MTA3: variants seen among roughly 807,000 people sequenced by gnomAD.
The protein encoded by MTA3 is metastasis-associated protein MTA3.
Under a neutral mutation model 83.5 loss-of-function variants are expected in MTA3, and 34 were observed. The ratio of observed to expected loss-of-function variants is 0.41; its 90% CI spans 0.31 to 0.54. The LOEUF is 0.54. Among genes scored for constraint, MTA3 ranks in the 20% least tolerant of loss-of-function variants. MTA3 has a pLI of 0.33. For synonymous variants in MTA3, 303 were observed against 252.7 expected, an observed-to-expected ratio of 1.20 and a Z score of -1.89; for missense variants, 761 against 726.4, an observed-to-expected ratio of 1.05 and a Z score of -0.55.
intron 3 of MTA3, among the ~76,000 whole-genome samples, chr2:42,597,835 C>T (rs966203445): frequency 2.7e-5 from 4 of 150,692 alleles, no homozygotes; most frequent in Non-Finnish European, 4.4e-5. Flanking sequence ...TGTGTGTCAT[C>T]GTGTCTGGTT....
chr2:42,518,486 GT>G (rs1231430409), intron 2 of MTA3, among the ~76,000 whole-genome samples: 7 of 152,154 alleles, frequency 4.6e-5, no homozygotes, highest in Non-Finnish European at 8.8e-5. Flanking sequence ...GTAGTATTGC[GT>G]TGTAAGCCAA....
chr2:42,577,643 G>C (rs1468771683), intron 2 of MTA3, among the ~76,000 whole-genome samples: 1 of 152,006 alleles, frequency 6.6e-6, no homozygotes, highest in Non-Finnish European at 1.5e-5. Context: ...ACCACACCCA[G>C]CTAATTTTTG....
At chr2:42,747,438 G>T (rs908994329) in intron 16 of MTA3, among the ~76,000 whole-genome samples, 2 of 152,008 alleles carry the variant, frequency 1.3e-5, no homozygotes, top group African/African-American at 4.8e-5. Context: ...CCGGGGTGGG[G>T]GTGCAGAATA....
intron 2 of MTA3, among the ~76,000 whole-genome samples, chr2:42,510,349 G>A (rs753262581): frequency 2.2e-4 from 32 of 148,602 alleles, no homozygotes; most frequent in Admixed American, 1.2e-3. Context: ...AGAAATCCTC[G>A]TTTAGCTGGC....
In MTA3 at chr2:42,505,475, C is replaced by T. The variant is rs549730988; in HGVS notation, c.-141+10221C>T. 1.4e-4 allele frequency among the ~76,000 whole-genome samples: 22 copies of T among 152,218 alleles called. No homozygotes were observed. In the East Asian group the frequency reaches 3.1e-3, roughly 21 times the overall value. On this transcript the variant is annotated intron_variant, in intron 2 of 17. Transcript: ENST00000405592. ...GTAAGTGCCAGAACCAATACTGAAA[C>T]CCACAGACTATGCAGGCTGTCTTGC...
chr2:42,641,643 C>T (rs1291774776), intron 5 of MTA3, among the ~76,000 whole-genome samples: 8 of 151,700 alleles, frequency 5.3e-5, no homozygotes, highest in African/African-American at 9.7e-5. Context: ...GTCAGGAGTT[C>T]GAGACCAGCC....
intron 4 of MTA3, among the ~76,000 whole-genome samples, chr2:42,611,128 C>G (rs140231908): frequency 6.6e-6 from 1 of 151,702 alleles, no homozygotes. Context: ...ATTACAGGCA[C>G]ATGCCACCAT....
chr2:42,518,951 G>C (rs963744355), intron 2 of MTA3, among the ~76,000 whole-genome samples: 6 of 149,470 alleles, frequency 4.0e-5, no homozygotes, highest in African/African-American at 1.5e-4. Context: ...AAGTGACAGA[G>C]TGAGACCCTT....
intron 3 of MTA3, among the ~76,000 whole-genome samples, chr2:42,584,160 A>G (rs1158638414): frequency 6.6e-6 from 1 of 152,060 alleles, no homozygotes; most frequent in Non-Finnish European, 1.5e-5. Context: ...CTTAAAAAAA[A>G]CAAACTTTTT....
intron 3 of MTA3, among the ~76,000 whole-genome samples, chr2:42,589,543 C>G (rs1035451640): frequency 2.6e-5 from 4 of 152,032 alleles, no homozygotes; most frequent in Non-Finnish European, 5.9e-5. Flanking sequence ...TGTAAGGTAA[C>G]CACCTCTTTT....
chr2:42,588,079 G>A (rs1395754709), intron 3 of MTA3, among the ~76,000 whole-genome samples: 6 of 151,962 alleles, frequency 3.9e-5, no homozygotes, highest in Admixed American at 2.6e-4. Flanking sequence ...TTGATAATTA[G>A]TAAAACTAAA....
intron 8 of MTA3, among the ~76,000 whole-genome samples, chr2:42,672,388 A>G (rs1573563085): frequency 1.3e-5 from 2 of 151,962 alleles, no homozygotes; most frequent in Admixed American, 6.6e-5. Flanking sequence ...CACGCCTGTA[A>G]TCCTAGCACT....
intron 4 of MTA3, among the ~76,000 whole-genome samples, chr2:42,629,468 A>G (rs982372797): frequency 3.9e-5 from 6 of 152,052 alleles, no homozygotes; most frequent in Non-Finnish European, 5.9e-5. Flanking sequence ...TTGGTAGTGT[A>G]ATTGTGATAG....
chr2:42,683,369 T>G (rs1246420789), intron 9 of MTA3, among the ~76,000 whole-genome samples: 2 of 152,184 alleles, frequency 1.3e-5, no homozygotes, highest in Admixed American at 6.5e-5. Flanking sequence ...TTATGGGCTT[T>G]TGATCTTTGA....
At chr2:42,621,174 C>G (rs1230673839) in intron 4 of MTA3, among the ~76,000 whole-genome samples, 1 of 138,900 alleles carries the variant, frequency 7.2e-6, no homozygotes, top group African/African-American at 2.7e-5. Context: ...GGGTGTTTCT[C>G]GCAGAGGGGG....
chr2:42,507,712 T>G (rs1322812143), intron 2 of MTA3, among the ~76,000 whole-genome samples: 1 of 151,680 alleles, frequency 6.6e-6, no homozygotes, highest in Non-Finnish European at 1.5e-5. Context: ...GAGGATCACT[T>G]GAGCCCAGGA....
intron 2 of MTA3, among the ~76,000 whole-genome samples, chr2:42,574,500 GAT>G (rs1678834846): frequency 6.6e-6 from 1 of 151,716 alleles, no homozygotes; most frequent in Non-Finnish European, 1.5e-5. Context: ...CAGTAGCATA[GAT>G]CCTGGCTCAC....
At chr2:42,579,918 C>T (rs984401332) in intron 3 of MTA3, among the ~76,000 whole-genome samples, 1 of 151,808 alleles carries the variant, frequency 6.6e-6, no homozygotes, top group Non-Finnish European at 1.5e-5. Context: ...GATGTTTTCT[C>T]CCTGCTAAAA....
chr2:42,564,624 G>C (rs1677825720), upstream of MTA3, among the ~76,000 whole-genome samples: 1 of 152,116 alleles, frequency 6.6e-6, no homozygotes, highest in South Asian at 2.1e-4. Context: ...AAAAAGAAGA[G>C]AGAAATAAAT....
Sources: allele counts gnomAD v4.1 joint callset (sites outside exome capture counted in the v4.1 genomes callset), GRCh38; gene constraint gnomAD v4.1.1; transcripts MANE v1.5; gene names NCBI Gene and HGNC (gene_info 2026-07-23, HGNC 2026-07-21).